The following AUTS2 variants were observed in gnomAD, a reference collection of about 807,000 sequenced individuals.
AUTS2 encodes autism susceptibility gene 2 protein.
Under a neutral mutation model 112.4 loss-of-function variants are expected in AUTS2, and 17 were observed. That is an observed-to-expected ratio of 0.15 (90% confidence interval 0.10 to 0.23). The LOEUF (loss-of-function observed/expected upper bound fraction) is 0.23, where lower values mean the gene tolerates loss of function less well. Ranked by LOEUF, AUTS2 falls within the 10% of genes least tolerant of loss-of-function variation. AUTS2 has a pLI of 1.00. For synonymous variants in AUTS2, 751 were observed against 702.7 expected, an observed-to-expected ratio of 1.07 and a Z score of -1.09; for missense variants, 1,510 against 1,701.6, an observed-to-expected ratio of 0.89 and a Z score of 1.98.
intron 2 of AUTS2, among the ~76,000 whole-genome samples, chr7:69,902,729 C>T (rs920447241): frequency 6.6e-6 from 1 of 152,112 alleles, no homozygotes; most frequent in South Asian, 2.1e-4. Context: ...ATGTATAGTT[C>T]TAAAACCAAA....
intron 1 of AUTS2, among the ~76,000 whole-genome samples, chr7:69,805,863 C>T (rs535504911): frequency 6.6e-6 from 1 of 152,076 alleles, no homozygotes; most frequent in Non-Finnish European, 1.5e-5. Context: ...AATCTCACAC[C>T]AAGGTCCCTT....
At chr7:70,773,991 T>C in intron 11 of AUTS2, 37 bp from the exon 12 acceptor site, 1 of 1,602,108 alleles carries the variant, frequency 6.2e-7, no homozygotes, top group South Asian at 1.1e-5. Flanking sequence ...ACCTGTTTTG[T>C]GCTTCCTAAG....
At chr7:70,229,999 AG>A (rs1437181089) in intron 4 of AUTS2, among the ~76,000 whole-genome samples, 2 of 152,146 alleles carry the variant, frequency 1.3e-5, no homozygotes, top group Admixed American at 1.3e-4. Flanking sequence ...CTTTTTCGGA[AG>A]GGGATCTTTG....
intron 5 of AUTS2, among the ~76,000 whole-genome samples, chr7:70,482,046 G>C (rs193000199): frequency 6.6e-6 from 1 of 152,188 alleles, no homozygotes; most frequent in Admixed American, 6.5e-5. Flanking sequence ...TGAGGTTAAA[G>C]TCCGTAGGCT....
intron 5 of AUTS2, among the ~76,000 whole-genome samples, chr7:70,515,024 T>C (rs1375171851): frequency 6.6e-6 from 1 of 151,622 alleles, no homozygotes; most frequent in East Asian, 1.9e-4. Context: ...TGGATACTAA[T>C]TTTTTTTGGT....
chr7:69,994,804 T>C (rs553387376), intron 2 of AUTS2, among the ~76,000 whole-genome samples: 2 of 152,310 alleles, frequency 1.3e-5, no homozygotes, highest in South Asian at 4.1e-4. Flanking sequence ...GAATTAACAA[T>C]AAATGCCACA....
intron 1 of AUTS2, among the ~76,000 whole-genome samples, chr7:69,788,414 G>A (rs1354422111): frequency 1.3e-5 from 2 of 152,158 alleles, no homozygotes; most frequent in African/African-American, 4.8e-5. Flanking sequence ...TAAAATAGAG[G>A]CTTCAGGGGA....
intron 2 of AUTS2, among the ~76,000 whole-genome samples, chr7:70,051,923 G>A (rs930519530): frequency 2.0e-4 from 30 of 152,150 alleles, no homozygotes; most frequent in Non-Finnish European, 4.4e-5. Context: ...AGGGTTTGGG[G>A]TTTGTGTGGG....
intron 2 of AUTS2, among the ~76,000 whole-genome samples, chr7:69,984,544 C>A (rs1325784262): frequency 6.6e-6 from 1 of 151,530 alleles, no homozygotes; most frequent in Non-Finnish European, 1.5e-5. Context: ...TTTTTTTTTA[C>A]CGTCTTGATT....
rs372862596 is a variant in AUTS2, at chr7:70,099,492, CAG to C, written c.523-18639_523-18638del. Among the ~76,000 whole-genome samples, 37 of 150,616 alleles carry C rather than the reference CAG, an allele frequency of 2.5e-4. 1 individual carries two copies. The highest frequency in any genetic ancestry group is 1.7e-3 in the South Asian group (8 of 4,746). On this transcript the variant is annotated intron_variant, in intron 2 of 18. Transcript: ENST00000342771. ...TTTTTTGGCTTTAAGCCCTGTGACT[CAG>C]GGGATTTTTTTTTTTTTTGGCTCCC... is the stretch of plus-strand genomic sequence containing the variant.
intron 6 of AUTS2, among the ~76,000 whole-genome samples, chr7:70,719,010 C>G (rs1419158732): frequency 6.6e-6 from 1 of 152,086 alleles, no homozygotes; most frequent in East Asian, 1.9e-4. Context: ...GTGGTTCAAT[C>G]CACTCGTGAT....
chr7:70,333,046 A>G (rs1208402835), intron 4 of AUTS2, among the ~76,000 whole-genome samples: 1 of 152,204 alleles, frequency 6.6e-6, no homozygotes, highest in Non-Finnish European at 1.5e-5. Flanking sequence ...ATGGGAGAAA[A>G]TTTTTGCAAT....
At chr7:70,226,391 G>T (rs1409388196) in intron 4 of AUTS2, among the ~76,000 whole-genome samples, 1 of 145,462 alleles carries the variant, frequency 6.9e-6, no homozygotes, top group Non-Finnish European at 1.5e-5. Flanking sequence ...ATTTTCAGTA[G>T]AGATGGGGTT....
At chr7:70,444,255 T>C (rs1261495592) in intron 5 of AUTS2, among the ~76,000 whole-genome samples, 2 of 152,048 alleles carry the variant, frequency 1.3e-5, no homozygotes, top group Non-Finnish European at 1.5e-5. Context: ...CCTGGGAGGC[T>C]CTTTGGTTGT....
chr7:70,095,114 G>A (rs1804121774), intron 2 of AUTS2, among the ~76,000 whole-genome samples: 1 of 152,162 alleles, frequency 6.6e-6, no homozygotes, highest in African/African-American at 2.4e-5. Context: ...GGACTTAGGT[G>A]CAGCCAAGGA....
chr7:70,009,112 C>A (rs377221098), intron 2 of AUTS2, among the ~76,000 whole-genome samples: 14 of 152,066 alleles, frequency 9.2e-5, no homozygotes, highest in African/African-American at 3.4e-4. Context: ...GTGCTGGCAT[C>A]TGGTGGGGGC....
intron 6 of AUTS2, among the ~76,000 whole-genome samples, chr7:70,733,561 A>C (rs1787584934): frequency 1.1e-5 from 1 of 91,932 alleles, no homozygotes; most frequent in Non-Finnish European, 2.0e-5. Context: ...CATCTAGATT[A>C]TGCAGTTGTA....
chr7:70,006,719 C>T lies in AUTS2; in HGVS notation c.522+107221C>T, dbSNP rs181668113. 1.2e-4 allele frequency among the ~76,000 whole-genome samples: 18 copies of T among 152,254 alleles called. 1 individual carries two copies. The East Asian group carries it at 2.5e-3, about 21-fold the overall frequency. On this transcript the variant is annotated intron_variant, in intron 2 of 18. Coordinates refer to ENST00000342771, the MANE Select transcript of AUTS2 (RefSeq NM_015570.4). ...CAATGATCACATGCCCTGATACCTA[C>T]TGTAGCCTGTTAATAGAGTTGGGAA...
At position 69,879,654 on chromosome 7, in the gene AUTS2, A is replaced by G. The variant is rs73429422; in HGVS notation, c.310-19632A>G. On this transcript the variant is annotated intron_variant, in intron 1 of 18. Transcript: ENST00000342771. The stretch of plus-strand genomic sequence containing the variant: ...TTCTCACAAAAATCCTATGAGGTAA[A>G]TACTATTATCATCCCTATGTTACAG... Among the ~76,000 whole-genome samples the G allele has an allele frequency of 1.8e-3, 278 of 152,324 alleles. 2 individuals carry two copies. Among genetic ancestry groups the G allele is most frequent in the African/African-American group, 6.4e-3 (266 of 41,574 alleles).
Sources: allele counts gnomAD v4.1 joint callset (sites outside exome capture counted in the v4.1 genomes callset), GRCh38; gene constraint gnomAD v4.1.1; transcripts MANE v1.5; gene names NCBI Gene and HGNC (gene_info 2026-07-23, HGNC 2026-07-21).